EVI5: variants seen among roughly 807,000 people sequenced by gnomAD.
EVI5 encodes ecotropic viral integration site 5 protein homolog.
In EVI5, 73 loss-of-function variants were observed where a neutral mutation model predicts 112.0. The ratio of observed to expected loss-of-function variants is 0.65; its 90% CI spans 0.54 to 0.79. EVI5 has a LOEUF of 0.79. Among genes scored for constraint, EVI5 ranks in the 30% least tolerant of loss-of-function variants. The pLI is 0.00. For synonymous variants in EVI5, 305 were observed against 319.9 expected, an observed-to-expected ratio of 0.95 and a Z score of 0.50; for missense variants, 900 against 968.8, an observed-to-expected ratio of 0.93 and a Z score of 0.94.
chr1:92,720,039 T>G (rs1319292085), intron 2 of EVI5, among the ~76,000 whole-genome samples: 2 of 151,980 alleles, frequency 1.3e-5, no homozygotes, highest in South Asian at 4.1e-4. Context: ...CACAAACAAA[T>G]GGAAGAACAT....
intron 1 of EVI5, among the ~76,000 whole-genome samples, chr1:92,767,467 G>C (rs1373312825): frequency 6.6e-6 from 1 of 152,128 alleles, no homozygotes; most frequent in Admixed American, 6.6e-5. Context: ...TGTATCTCCC[G>C]AGGATAAGGG....
At chr1:92,776,660 G>A (rs569883251) in intron 1 of EVI5, among the ~76,000 whole-genome samples, 7 of 148,418 alleles carry the variant, frequency 4.7e-5, no homozygotes, top group South Asian at 2.1e-4. Context: ...TTGAGATGGA[G>A]TTTCACTCAC....
chr1:92,761,190 C>T (rs1031032860), intron 1 of EVI5, among the ~76,000 whole-genome samples: 2 of 151,758 alleles, frequency 1.3e-5, no homozygotes, highest in African/African-American at 4.8e-5. Context: ...CCTCAAGTTT[C>T]ATAGTAAGTT....
At chr1:92,527,235 T>C (rs1268260999) in intron 19 of EVI5, among the ~76,000 whole-genome samples, 1 of 151,520 alleles carries the variant, frequency 6.6e-6, no homozygotes, top group Non-Finnish European at 1.5e-5. Flanking sequence ...GCCAAAGTGG[T>C]GAAATGCTGT....
At chr1:92,567,667 CTA>C (rs1376309367) in intron 18 of EVI5, among the ~76,000 whole-genome samples, 4 of 152,162 alleles carry the variant, frequency 2.6e-5, no homozygotes, top group African/African-American at 9.7e-5. Context: ...TAAGCACACT[CTA>C]TGATTCACAC....
chr1:92,549,095 C>A (rs1666320530), intron 19 of EVI5, among the ~76,000 whole-genome samples: 1 of 152,164 alleles, frequency 6.6e-6, no homozygotes, highest in African/African-American at 2.4e-5. Flanking sequence ...TGACTTCAAA[C>A]TATACTACAA....
rs149154058 is a variant in EVI5, at chr1:92,766,204, T to C, written c.-82+18632A>G. Among the ~76,000 whole-genome samples the C allele has an allele frequency of 2.0e-3, 301 of 151,366 alleles. 3 individuals carry two copies. Among genetic ancestry groups the C allele is most frequent in the African/African-American group, 6.7e-3 (278 of 41,368 alleles). On this transcript the variant is annotated intron_variant, in intron 1 of 19. Coordinates refer to ENST00000684568, the MANE Select transcript of EVI5 (RefSeq NM_001350197.2). ...TTGATTATTTAAGCTGCACCTAAAA[T>C]TGTTATACCTAAGCTGTTCAAGCTC...
At chr1:92,734,541 G>A (rs751915107) in intron 2 of EVI5, among the ~76,000 whole-genome samples, 36 of 152,028 alleles carry the variant, frequency 2.4e-4, no homozygotes, top group Non-Finnish European at 4.1e-4. Context: ...CATGATCTCC[G>A]CTCACTGCAA....
At chr1:92,673,995 T>C (rs1014582884) in intron 10 of EVI5, among the ~76,000 whole-genome samples, 4 of 152,234 alleles carry the variant, frequency 2.6e-5, no homozygotes, top group Non-Finnish European at 5.9e-5. Context: ...AACAATTTGA[T>C]GATCATACCA....
rs1670553333 is a variant in EVI5, at chr1:92,697,857, T to C, written c.765+3A>G. 2 of 1,610,860 alleles carry C rather than the reference T, an allele frequency of 1.2e-6. No individual in the cohort carries two copies. Among genetic ancestry groups the C allele is most frequent in the East Asian group, 2.2e-5 (1 of 44,794 alleles). ...TGCCTTTTTATCAACACTGCACTTT[T>C]ACCTGTATCATACATTCAAACTGGT... On this transcript the variant is annotated splice_donor_region_variant and intron_variant, in intron 6 of 19. Transcript: ENST00000684568.
At chr1:92,673,185 C>CTTTTTTTTTTTTTTTTTTTTTT (rs35702596) in intron 10 of EVI5, among the ~76,000 whole-genome samples, 1 of 123,588 alleles carries the variant, frequency 8.1e-6, no homozygotes, top group African/African-American at 3.2e-5. Flanking sequence ...TAACACTTCT[C>CTTTTTTTTTTTTTTTTTTTTTT]TTTTTTTTTT....
chr1:92,531,854 T>C (rs531458511), intron 19 of EVI5, among the ~76,000 whole-genome samples: 10 of 152,282 alleles, frequency 6.6e-5, no homozygotes, highest in East Asian at 5.8e-4. Context: ...GTAAAGACCA[T>C]TGACACTATG....
intron 1 of EVI5, among the ~76,000 whole-genome samples, chr1:92,752,060 T>C (rs1481702025): frequency 2.6e-5 from 4 of 152,130 alleles, no homozygotes; most frequent in Non-Finnish European, 5.9e-5. Flanking sequence ...TTGCCCTCTA[T>C]TGTCTTTTGC....
chr1:92,571,917 G>A (rs997254528), intron 18 of EVI5, among the ~76,000 whole-genome samples: 13 of 152,088 alleles, frequency 8.5e-5, no homozygotes, highest in South Asian at 4.2e-4. Flanking sequence ...AGAAAAAGAC[G>A]CCCAACATAT....
At chr1:92,589,585 C>A (rs936614396) in intron 18 of EVI5, among the ~76,000 whole-genome samples, 10 of 152,176 alleles carry the variant, frequency 6.6e-5, no homozygotes, top group African/African-American at 2.4e-4. Context: ...CCTGCCACTG[C>A]CGAGGCTTGA....
intron 18 of EVI5, chr1:92,580,708 G>T: frequency 6.0e-6 from 1 of 166,266 alleles, no homozygotes; most frequent in Non-Finnish European, 1.4e-5. Flanking sequence ...AGCCTTGTCA[G>T]AACCAACAGT....
At chr1:92,585,918 T>C (rs1256863827) in intron 18 of EVI5, among the ~76,000 whole-genome samples, 1 of 152,186 alleles carries the variant, frequency 6.6e-6, no homozygotes, top group East Asian at 1.9e-4. Context: ...AATGTCTCCT[T>C]AGGTTCCTTT....
At chr1:92,663,512 G>A in intron 11 of EVI5, 60 bp from the exon 12 acceptor site, 4 of 861,376 alleles carry the variant, frequency 4.6e-6, no homozygotes, top group Admixed American at 3.0e-5. Flanking sequence ...GATAAAATTA[G>A]GAAAAAAGAA....
rs796768743 is a variant in EVI5 at position 92,550,783 on chromosome 1, T to A, written c.2166+12859A>T. Among the ~76,000 whole-genome samples, 199 of 36,104 alleles carry A rather than the reference T, an allele frequency of 5.5e-3. 2 individuals carry two copies. The highest frequency in any genetic ancestry group is 7.4e-3 in the Non-Finnish European group (147 of 19,760). The allele number at this position is 36,104 out of a possible 152,430, so 23.7% of individuals were successfully genotyped here. On this transcript the variant is annotated intron_variant, in intron 19 of 19. Transcript: ENST00000684568. ...AAAAAAAAAAAAAAAAAAAAAAAAA[T>A]ATATATATATATATATATATATATA...
Sources: gnomAD v4.1 joint callset for allele counts (sites outside exome capture counted in the v4.1 genomes callset) on GRCh38, gnomAD v4.1.1 for gene constraint, MANE v1.5 for transcripts, NCBI Gene and HGNC (gene_info 2026-07-23, HGNC 2026-07-21) for gene names.